The following CLYBL variants were observed in gnomAD, a reference collection of about 807,000 sequenced individuals.
CLYBL encodes citramalyl-CoA lyase, mitochondrial.
CLYBL carries 31 observed loss-of-function variants against 38.9 expected under a neutral mutation model. The observed-to-expected ratio is 0.80, with a 90% CI of 0.60 to 1.08. The LOEUF (loss-of-function observed/expected upper bound fraction) is 1.08, where lower values mean the gene tolerates loss of function less well. Among genes scored for constraint, CLYBL ranks in the 50% least tolerant of loss-of-function variants. CLYBL has a pLI of 0.00. For missense variants in CLYBL, 434 were observed against 411.6 expected, an observed-to-expected ratio of 1.05 and a Z score of -0.47; for synonymous variants, 171 against 158.6, an observed-to-expected ratio of 1.08 and a Z score of -0.59.
At chr13:99,811,149 C>T (rs1221297598) in intron 2 of CLYBL, among the ~76,000 whole-genome samples, 5 of 152,184 alleles carry the variant, frequency 3.3e-5, no homozygotes, top group African/African-American at 7.2e-5. Context: ...AGCAAGGTTA[C>T]GTTTATAGGA....
At chr13:99,788,447 A>G (rs1470488969) in intron 2 of CLYBL, among the ~76,000 whole-genome samples, 2 of 152,150 alleles carry the variant, frequency 1.3e-5, no homozygotes, top group Non-Finnish European at 2.9e-5. Context: ...TTCTGCATCT[A>G]TTGAGATAAT....
intron 1 of CLYBL, among the ~76,000 whole-genome samples, chr13:99,673,795 C>T (rs1336785820): frequency 2.0e-5 from 3 of 152,090 alleles, no homozygotes; most frequent in Non-Finnish European, 4.4e-5. Context: ...ATGTAGGAGA[C>T]GAGGGTTGAA....
intron 2 of CLYBL, among the ~76,000 whole-genome samples, chr13:99,829,407 G>A (rs1005880638): frequency 6.6e-6 from 1 of 152,146 alleles, no homozygotes; most frequent in African/African-American, 2.4e-5. Context: ...CGCCATCTGG[G>A]GCTTTTTTCT....
chr13:99,654,276 T>G (rs1472095155), intron 1 of CLYBL, among the ~76,000 whole-genome samples: 1 of 151,950 alleles, frequency 6.6e-6, no homozygotes, highest in African/African-American at 2.4e-5. Flanking sequence ...GAGAGTGGAG[T>G]AGCAGCATTT....
chr13:99,687,639 A>C (rs192243379), intron 1 of CLYBL, among the ~76,000 whole-genome samples: 2 of 152,262 alleles, frequency 1.3e-5, no homozygotes, highest in African/African-American at 2.4e-5. Flanking sequence ...ACCAAAAGAC[A>C]TAAGGGACTA....
intron 1 of CLYBL, among the ~76,000 whole-genome samples, chr13:99,632,974 C>A (rs2046966608): frequency 6.9e-6 from 1 of 145,100 alleles, no homozygotes; most frequent in Non-Finnish European, 1.5e-5. Context: ...GGTGCAGTGT[C>A]TCACACCTGT....
chr13:99,859,585 GAT>G (rs1341790965), intron 3 of CLYBL, among the ~76,000 whole-genome samples: 1 of 152,234 alleles, frequency 6.6e-6, no homozygotes, highest in African/African-American at 2.4e-5. Context: ...AATTAGCACT[GAT>G]ATTATTTCCT....
intron 7 of CLYBL, 102 bp downstream of exon 7, chr13:99,871,164 A>G: frequency 7.5e-7 from 1 of 1,338,486 alleles, no homozygotes; most frequent in Non-Finnish European, 1.1e-6. Context: ...AACTCATCGT[A>G]TCTGGAGAGG....
chr13:99,824,133 C>T (rs963337530), intron 2 of CLYBL, among the ~76,000 whole-genome samples: 15 of 152,242 alleles, frequency 9.9e-5, no homozygotes, highest in South Asian at 2.1e-4. Context: ...AGTAGAAAAA[C>T]GTCAGGTTGC....
chr13:99,736,491 C>A (rs9585207), intron 1 of CLYBL, among the ~76,000 whole-genome samples: 3,329 of 151,850 alleles, frequency 0.022, 110 homozygotes, highest in African/African-American at 0.077. Context: ...TGGAAAGGGA[C>A]ACTGTCTTGG....
chr13:99,905,417 G>A (rs2052686324), intron 9 of CLYBL, among the ~76,000 whole-genome samples: 1 of 152,190 alleles, frequency 6.6e-6, no homozygotes, highest in African/African-American at 2.4e-5. Flanking sequence ...TGAGTGACAT[G>A]ACATCACTGT....
chr13:99,686,764 C>A (rs1311757182), intron 1 of CLYBL, among the ~76,000 whole-genome samples: 1 of 152,130 alleles, frequency 6.6e-6, no homozygotes, highest in East Asian at 1.9e-4. Flanking sequence ...TTCAAATTTT[C>A]AACACAGCAT....
intron 1 of CLYBL, among the ~76,000 whole-genome samples, chr13:99,621,705 C>T (rs2046799735): frequency 1.3e-5 from 2 of 152,070 alleles, no homozygotes; most frequent in Non-Finnish European, 2.9e-5. Flanking sequence ...ACTTTGAATA[C>T]GACCCAACAC....
chr13:99,716,957 A>C (rs1406263876), intron 1 of CLYBL, among the ~76,000 whole-genome samples: 2 of 149,790 alleles, frequency 1.3e-5, no homozygotes, highest in African/African-American at 4.9e-5. Flanking sequence ...ACGTCCAGCT[A>C]ATTTTGTATT....
chr13:99,647,241 C>T (rs1036938267), intron 1 of CLYBL, among the ~76,000 whole-genome samples: 1 of 152,128 alleles, frequency 6.6e-6, no homozygotes, highest in Non-Finnish European at 1.5e-5. Flanking sequence ...TTTGATAGCC[C>T]CAGCTCAAGA....
At chr13:99,793,887 TA>T (rs78578163) in intron 2 of CLYBL, among the ~76,000 whole-genome samples, 6,683 of 136,438 alleles carry the variant, frequency 0.049, 169 homozygotes, top group African/African-American at 0.079. Context: ...AAATTAAGAT[TA>T]AAAAAAAAAA....
At chr13:99,633,210 CAAAAAAA>C (rs59801603) in intron 1 of CLYBL, among the ~76,000 whole-genome samples, 3,861 of 62,680 alleles carry the variant, frequency 0.062, 75 homozygotes, top group Middle Eastern at 0.11. Flanking sequence ...GATCCTGTCT[CAAAAAAA>C]AAAAAAAAAA....
chr13:99,778,986 T>C (rs571466198), intron 2 of CLYBL, among the ~76,000 whole-genome samples: 29 of 152,274 alleles, frequency 1.9e-4, no homozygotes, highest in Non-Finnish European at 1.9e-4. Flanking sequence ...CTAGTTGCCA[T>C]GGCAGGCAGG....
At chr13:99,820,020 G>A (rs1307845225) in intron 2 of CLYBL, among the ~76,000 whole-genome samples, 3 of 152,158 alleles carry the variant, frequency 2.0e-5, no homozygotes, top group Admixed American at 6.5e-5. Flanking sequence ...GTGGCTGCTG[G>A]TTGCAGAGAA....
Sources: allele counts gnomAD v4.1 joint callset (sites outside exome capture counted in the v4.1 genomes callset), GRCh38; gene constraint gnomAD v4.1.1; transcripts MANE v1.5; gene names NCBI Gene and HGNC (gene_info 2026-07-23, HGNC 2026-07-21).